The following HORMAD2 variants were observed in gnomAD, a reference collection of about 807,000 sequenced individuals.
The protein encoded by HORMAD2 is HORMA domain-containing protein 2.
In HORMAD2, 45 loss-of-function variants were observed where a neutral mutation model predicts 38.8. The ratio of observed to expected loss-of-function variants is 1.16; its 90% CI spans 0.91 to 1.49. The LOEUF is 1.49. Among genes scored for constraint, HORMAD2 ranks in the 40% most tolerant of loss-of-function variants. HORMAD2 has a pLI of 0.00. For missense variants in HORMAD2, 338 were observed against 367.0 expected (o/e 0.92, Z 0.65); for synonymous variants, 126 against 122.8 (o/e 1.03, Z -0.17).
chr22:30,196,793 G>A, the HORMAD2 span, among the ~76,000 whole-genome samples: 10 of 152,196 alleles, frequency 6.6e-5, no homozygotes, highest in Admixed American at 4.6e-4. Flanking sequence ...TTCACCTCAA[G>A]CCCTAGCTAG....
At chr22:30,195,150 G>A in the HORMAD2 span, among the ~76,000 whole-genome samples, 3 of 137,458 alleles carry the variant, frequency 2.2e-5, no homozygotes, top group Middle Eastern at 5.0e-3. Flanking sequence ...CTGAGATTGC[G>A]CCATTGCACT....
At chr22:30,183,300 A>G in the HORMAD2 span, among the ~76,000 whole-genome samples, 1 of 152,196 alleles carries the variant, frequency 6.6e-6, no homozygotes, top group Non-Finnish European at 1.5e-5. Context: ...TGGGGTAACC[A>G]CTATATAGAG....
rs1419296774 is a variant in HORMAD2, at chr22:30,118,978, A to G, written c.343-2A>G. The G allele has an allele frequency of 4.5e-6, 7 of 1,572,940 alleles. No individual in the cohort carries two copies. Among genetic ancestry groups the G allele is most frequent in the Middle Eastern group, 1.8e-4 (1 of 5,678 alleles). ...TTTCTTTATTTCCTTTGGTTTTTGT[A>G]GAAGGTGACTGAGATGTACCAGTTC... On this transcript the variant is annotated splice_acceptor_variant, in intron 7 of 10. Transcript: ENST00000336726. LOFTEE classifies it high-confidence loss of function.
At chr22:30,126,976 G>C (rs1415389350) in intron 10 of HORMAD2, among the ~76,000 whole-genome samples, 1 of 151,988 alleles carries the variant, frequency 6.6e-6, no homozygotes, top group Admixed American at 6.5e-5. Context: ...CTTTTTATAT[G>C]TTTATTGGCC....
At chr22:30,137,015 T>C (rs1569106015) in intron 10 of HORMAD2, 1 of 450,548 alleles carries the variant, frequency 2.2e-6, no homozygotes, top group South Asian at 2.7e-5. Context: ...AAGTCTTCCA[T>C]GTGTAATTGT....
At chr22:30,120,118 G>C (rs2050120610) in intron 8 of HORMAD2, among the ~76,000 whole-genome samples, 2 of 152,182 alleles carry the variant, frequency 1.3e-5, no homozygotes, top group African/African-American at 4.8e-5. Flanking sequence ...CATATGCCAA[G>C]AGGTAAGCTG....
chr22:30,176,357 G>T lies in HORMAD2; in HGVS notation c.*190G>T. The T allele has an allele frequency of 1.8e-6, 1 of 541,404 alleles. No homozygotes were observed. Among genetic ancestry groups the T allele is most frequent in the East Asian group, 3.1e-5 (1 of 32,648 alleles). The allele number at this position is 541,404 out of a possible 1,614,324, so 33.5% of individuals were successfully genotyped here. A position where few individuals can be genotyped will look rare whatever the true frequency, so the allele number is the denominator to read the frequency against. On this transcript the variant is annotated 3_prime_UTR_variant, in exon 11 of 11. Transcript: ENST00000336726. The stretch of plus-strand genomic sequence containing the variant: ...GGACGCGAGTCCACTTTGCCATAAG[G>T]AAAGCGGGTCAATAGGGCTGCCTCT...
intron 1 of HORMAD2, among the ~76,000 whole-genome samples, chr22:30,091,262 CTTTCTTTTTTT>C (rs2068678561): frequency 2.6e-5 from 3 of 116,634 alleles, no homozygotes; most frequent in Middle Eastern, 4.5e-3. Context: ...TTCTCTCTTT[CTTTCTTTTTTT>C]TTTTTTTTTT....
In HORMAD2 at chr22:30,103,477, C is replaced by A; in HGVS notation, c.234C>A (p.Pro78=). The change falls in exon 4 of 11, where the codon CCC becomes CCA. Residue 78 remains proline (P), a synonymous_variant. Coordinates refer to ENST00000336726, the MANE Select transcript of HORMAD2 (RefSeq NM_152510.4). ...TCCTCCGAGAAGATAAAAAATGTCC[C>A]GGGTCACTGCATATTATCAGATGGT... ...LKILREDKKC[P]GSLHIIRWIQ... 6.5e-7 allele frequency: 1 copy of A among 1,530,948 alleles called. No homozygotes were observed. The highest frequency in any genetic ancestry group is 8.9e-7 in the Non-Finnish European group (1 of 1,127,454). The allele number at this position is 1,530,948 out of a possible 1,614,324, so 94.8% of individuals were successfully genotyped here. A position where few individuals can be genotyped will look rare whatever the true frequency, so the allele number is the denominator to read the frequency against.
intron 10 of HORMAD2, among the ~76,000 whole-genome samples, chr22:30,174,367 G>A (rs750484324): frequency 1.3e-5 from 2 of 152,058 alleles, no homozygotes; most frequent in African/African-American, 2.4e-5. Context: ...GTTCCTTTGT[G>A]TGGATAAATT....
At chr22:30,165,353 T>G (rs141977309) in intron 10 of HORMAD2, among the ~76,000 whole-genome samples, 121 of 152,314 alleles carry the variant, frequency 7.9e-4, no homozygotes, top group Non-Finnish European at 1.4e-3. Flanking sequence ...CCTCCAACTT[T>G]GTTTTTCTTA....
intron 10 of HORMAD2, among the ~76,000 whole-genome samples, chr22:30,128,995 A>C (rs1301255992): frequency 2.0e-5 from 3 of 152,034 alleles, no homozygotes; most frequent in Non-Finnish European, 4.4e-5. Context: ...CAGGTGGATC[A>C]CAAGGTCAGG....
chr22:30,162,318 T>TACAC (rs71198531), intron 10 of HORMAD2, among the ~76,000 whole-genome samples: 18,781 of 147,952 alleles, frequency 0.13, 1,310 homozygotes, highest in South Asian at 0.23. Flanking sequence ...CGTCTCAAAA[T>TACAC]ACACACACAC....
rs1169562335 is a variant in HORMAD2, at chr22:30,162,179, G to A, written c.820-13884G>A. Among the ~76,000 whole-genome samples, 13 of 152,286 alleles carry A rather than the reference G, an allele frequency of 8.5e-5. No homozygotes were observed. In the East Asian group the frequency reaches 2.5e-3, roughly 29 times the overall value. On this transcript the variant is annotated intron_variant, in intron 10 of 10. Coordinates refer to ENST00000336726, the MANE Select transcript of HORMAD2 (RefSeq NM_152510.4). ...AATACAAAAATTAGCTGGGCGTGGTGATGTGTGCCTGTAGTCCCAGGTACT... is the reference window on the plus strand; with the variant it reads ...AATACAAAAATTAGCTGGGCGTGGTAATGTGTGCCTGTAGTCCCAGGTACT...
At chr22:30,119,420 C>T (rs528251066) in intron 8 of HORMAD2, among the ~76,000 whole-genome samples, 1 of 152,224 alleles carries the variant, frequency 6.6e-6, no homozygotes, top group South Asian at 2.1e-4. Context: ...TAGATAATAC[C>T]CTTGGACTAT....
At position 30,122,023 on chromosome 22, in the gene HORMAD2, C is replaced by A; in HGVS notation, c.628C>A (p.Leu210Met). ...FKEGVNSHFL[L>M]FDKEPINVQV... is the part of the protein sequence containing the mutation. Reference sequence around the variant, plus strand: ...AGAAGGGGTAAATTCACACTTCCTGCTGTTTGACAAGGAGCCTATCAACGT... The same window carrying A: ...AGAAGGGGTAAATTCACACTTCCTGATGTTTGACAAGGAGCCTATCAACGT... Residue 210 changes from leucine (L) to methionine (M), a missense_variant, in exon 10 of 11, where the codon CTG becomes ATG. By Grantham distance (15) the Leu-to-Met change is conservative. Transcript: ENST00000336726. 1 of 1,613,088 alleles carries A rather than the reference C, an allele frequency of 6.2e-7. No individual in the cohort carries two copies. Among genetic ancestry groups the A allele is most frequent in the South Asian group, 1.1e-5 (1 of 90,928 alleles).
intron 10 of HORMAD2, among the ~76,000 whole-genome samples, chr22:30,133,291 A>T (rs1273079829): frequency 6.6e-6 from 1 of 152,106 alleles, no homozygotes; most frequent in East Asian, 1.9e-4. Flanking sequence ...TAACAAATCT[A>T]AGCATCATAA....
chr22:30,102,883 G>A (rs1376157395), intron 3 of HORMAD2, among the ~76,000 whole-genome samples: 1 of 152,080 alleles, frequency 6.6e-6, no homozygotes, highest in Non-Finnish European at 1.5e-5. Context: ...TTCTGCCTCA[G>A]CCTCCCAAAG....
intron 5 of HORMAD2, among the ~76,000 whole-genome samples, chr22:30,106,651 A>G (rs1057246397): frequency 6.6e-6 from 1 of 152,172 alleles, no homozygotes; most frequent in African/African-American, 2.4e-5. Context: ...GGGCAGTACA[A>G]TATAGTTAGA....
Sources: gnomAD v4.1 joint callset for allele counts (sites outside exome capture counted in the v4.1 genomes callset) on GRCh38, gnomAD v4.1.1 for gene constraint, MANE v1.5 for transcripts, NCBI Gene and HGNC (gene_info 2026-07-23, HGNC 2026-07-21) for gene names.